Variants in C16orf92 observed in about 807,000 individuals in gnomAD.
The protein encoded by C16orf92 is fertilization-influencing membrane protein.
A neutral mutation model predicts 13.7 loss-of-function variants in C16orf92; 14 were observed. The observed-to-expected ratio is 1.02, with a 90% CI of 0.67 to 1.60. The LOEUF is 1.60. Among genes scored for constraint, C16orf92 ranks in the 40% most tolerant of loss-of-function variants. C16orf92 has a pLI of 0.00. For synonymous variants in C16orf92, 50 were observed against 57.4 expected, an observed-to-expected ratio of 0.87 and a Z score of 0.58; for missense variants, 116 against 139.0, an observed-to-expected ratio of 0.83 and a Z score of 0.83.
chr16:30,025,193 G>A (rs1344740688), downstream of C16orf92: 1 of 1,473,734 alleles, frequency 6.8e-7, no homozygotes, highest in Non-Finnish European at 8.9e-7. The surrounding 1 kb of genome is among the most constrained non-coding windows in gnomAD (Gnocchi z 4.1). Context: ...TCAGTCCTGG[G>A]CCTGGCAGGC....
chr16:30,023,956 T>C lies in C16orf92; in HGVS notation c.224-43T>C, dbSNP rs200165937. The C allele has an allele frequency of 2.1e-4, 335 of 1,592,646 alleles. 2 individuals are homozygous for C. Among genetic ancestry groups the C allele is most frequent in the Admixed American group, 9.2e-4 (55 of 59,986 alleles). On this transcript the variant is annotated intron_variant, in intron 2 of 3. Coordinates refer to ENST00000681219, the MANE Select transcript of C16orf92 (RefSeq NM_001109659.2). ...GAGGAGAGCAGCCCCAGACCCTTCA[T>C]TGGGCCATCAGAGGGGAGTTAAGGG...
chr16:30,025,621 G>T (rs140294527), downstream of C16orf92: 2,689 of 1,427,952 alleles, frequency 1.9e-3, 12 homozygotes, highest in Middle Eastern at 0.016. This position sits in a 1 kb window ranked among gnomAD's most constrained non-coding sequence, Gnocchi z 4.1. Flanking sequence ...CACGGGGTGA[G>T]GGGGGGATGA....
downstream of C16orf92, chr16:30,026,717 G>A (rs745989055): frequency 2.5e-6 from 4 of 1,614,004 alleles, no homozygotes; most frequent in Admixed American, 6.7e-5. Context: ...CCGGGGCTCT[G>A]GCCGCTCCGT....
At chr16:30,026,711 G>A (rs1555472623), downstream of C16orf92, 7 of 1,614,022 alleles carry the variant, frequency 4.3e-6, no homozygotes, top group Middle Eastern at 1.6e-4. Context: ...TGCTGCCCGG[G>A]GCTCTGGCCG....
At chr16:30,023,925 G>A (rs1323760590) in intron 2 of C16orf92, 40 bp downstream of exon 2, 1 of 1,595,124 alleles carries the variant, frequency 6.3e-7, no homozygotes, top group Non-Finnish European at 8.6e-7. Context: ...TCCCCGCCAG[G>A]GTCTGGAGGA....
downstream of C16orf92, chr16:30,026,500 T>C (rs1307645927): frequency 4.4e-6 from 4 of 918,416 alleles, no homozygotes; most frequent in Admixed American, 4.5e-5. Context: ...ACGCTGGGTC[T>C]GCTTGGTTGT....
At chr16:30,026,048 A>G (rs1191069344), downstream of C16orf92, among the ~76,000 whole-genome samples, 1 of 152,112 alleles carries the variant, frequency 6.6e-6, no homozygotes, top group Non-Finnish European at 1.5e-5. Context: ...CCTGGCCAAC[A>G]TGGTGAAACC....
At chr16:30,024,784 G>A (rs548563800), downstream of C16orf92, 6 of 206,222 alleles carry the variant, frequency 2.9e-5, no homozygotes, top group South Asian at 9.2e-4. Flanking sequence ...TAGTTGGGGC[G>A]TCCTCTCCTC....
Position 30,024,311 on chromosome 16 carries a change from C to T in C16orf92, c.*84C>T, listed in dbSNP as rs76298536. 2,648 of 1,522,974 alleles carry T rather than the reference C, an allele frequency of 1.7e-3. 37 individuals carry two copies. The African/African-American group carries it at 0.032, about 19-fold the overall frequency. The allele number at this position is 1,522,974 out of a possible 1,614,324, so 94.3% of individuals were successfully genotyped here. ...TGATGAGCAAAAGTTCCCTGCTTTC[C>T]TCCTCCCTGACTGCCCAGCGAGCAG... On this transcript the variant is annotated 3_prime_UTR_variant, in exon 4 of 4. Coordinates refer to ENST00000681219, the MANE Select transcript of C16orf92 (RefSeq NM_001109659.2).
chr16:30,026,592 A>G, downstream of C16orf92: 1 of 1,386,908 alleles, frequency 7.2e-7, no homozygotes, highest in Non-Finnish European at 1.0e-6. Flanking sequence ...CCGCCCGCCC[A>G]GCTCCCCGGG....
downstream of C16orf92, chr16:30,025,612 A>G (rs1363010118): frequency 2.0e-6 from 3 of 1,465,264 alleles, no homozygotes; most frequent in African/African-American, 4.2e-5. This position sits in a 1 kb window ranked among gnomAD's most constrained non-coding sequence, Gnocchi z 4.1. Context: ...CTCAAAATGC[A>G]CGGGGTGAGG....
At position 30,023,779 on chromosome 16, in the gene C16orf92, C is replaced by A. The variant is rs773741460; in HGVS notation, c.117C>A (p.Arg39=). ...CAGCCCTGGGGACAGAGTCTCCGCG[C>A]TTCTTAGACAGACCTGACTTCTTCG... ...TASALGTESP[R]FLDRPDFFDY... Residue 39 remains arginine (R), a synonymous_variant, in exon 2 of 4, where the codon CGC becomes CGA. Transcript: ENST00000681219. 1.2e-6 allele frequency: 2 copies of A among 1,614,166 alleles called. No individual in the cohort carries two copies. Among genetic ancestry groups the A allele is most frequent in the South Asian group, 2.2e-5 (2 of 91,082 alleles).
downstream of C16orf92, chr16:30,025,620 A>AGG: frequency 6.8e-7 from 1 of 1,464,356 alleles, no homozygotes; most frequent in Non-Finnish European, 9.6e-7. This position sits in a 1 kb window ranked among gnomAD's most constrained non-coding sequence, Gnocchi z 4.1. Flanking sequence ...GCACGGGGTG[A>AGG]GGGGGGGATG....
chr16:30,027,156 T>G, downstream of C16orf92: 1 of 496,190 alleles, frequency 2.0e-6, no homozygotes. Context: ...AGTGCCAAAA[T>G]AAGCCCAGGA....
chr16:30,025,699 C>T, downstream of C16orf92: 1 of 1,610,604 alleles, frequency 6.2e-7, no homozygotes, highest in Non-Finnish European at 8.5e-7. The surrounding 1 kb of genome is among the most constrained non-coding windows in gnomAD (Gnocchi z 4.1). Flanking sequence ...CCCCATTGGG[C>T]TCCTGCACCC....
At chr16:30,024,774 T>G, downstream of C16orf92, 4 of 193,774 alleles carry the variant, frequency 2.1e-5, no homozygotes, top group East Asian at 1.4e-4. Flanking sequence ...CAGCGGGGGT[T>G]AGTTGGGGCG....
In C16orf92 at chr16:30,024,008, C is replaced by G; in HGVS notation, c.233C>G (p.Pro78Arg). 2 of 1,613,708 alleles carry G rather than the reference C, an allele frequency of 1.2e-6. No homozygotes were observed. The highest frequency in any genetic ancestry group is 2.7e-5 in the African/African-American group (2 of 75,018). ...CCTGTTTGTCTAGCAGGTTCCAGCC[C>G]CGGGCTCTTCCATCACATCCTGGTG... ...PIVFINSGSS[P>R]GLFHHILVGL... The change falls in exon 3 of 4, where the codon CCC becomes CGC. Residue 78 changes from proline to arginine, a missense_variant. Physicochemically the swap from Pro to Arg is moderately radical, Grantham distance 103. Coordinates refer to ENST00000681219, the MANE Select transcript of C16orf92 (RefSeq NM_001109659.2).
At chr16:30,025,874 G>A, downstream of C16orf92, 1 of 1,407,236 alleles carries the variant, frequency 7.1e-7, no homozygotes, top group South Asian at 1.2e-5. This position sits in a 1 kb window ranked among gnomAD's most constrained non-coding sequence, Gnocchi z 4.1. Context: ...GGGTTCTTGG[G>A]CAGCCCCCGC....
downstream of C16orf92, chr16:30,026,945 G>A: frequency 1.0e-6 from 1 of 993,578 alleles, no homozygotes; most frequent in Non-Finnish European, 1.5e-6. Context: ...GACAGGAGCG[G>A]AGTCTTGGGT....
Sources: allele counts gnomAD v4.1 joint callset (sites outside exome capture counted in the v4.1 genomes callset), GRCh38; gene constraint gnomAD v4.1.1; non-coding constraint Gnocchi (gnomAD v3.1); transcripts MANE v1.5; gene names NCBI Gene and HGNC (gene_info 2026-07-23, HGNC 2026-07-21).